PLA2G4F: variants seen among roughly 807,000 people sequenced by gnomAD.
The protein encoded by PLA2G4F is cytosolic phospholipase A2 zeta.
In PLA2G4F, 105 loss-of-function variants were observed where a neutral mutation model predicts 103.1. The ratio of observed to expected loss-of-function variants is 1.02; its 90% CI spans 0.87 to 1.20. The LOEUF (loss-of-function observed/expected upper bound fraction) is 1.20. Among genes scored for constraint, PLA2G4F ranks in the 50% most tolerant of loss-of-function variants. PLA2G4F has a pLI of 0.00. For missense variants in PLA2G4F, 1,155 were observed against 1,075.9 expected (o/e 1.07, Z -1.03); for synonymous variants, 468 against 441.1 (o/e 1.06, Z -0.76).
In PLA2G4F at chr15:42,152,672, C is replaced by T. The variant is rs1164539765; in HGVS notation, c.601+16G>A. On this transcript the variant is annotated intron_variant, in intron 7 of 19. Coordinates refer to ENST00000397272, the MANE Select transcript of PLA2G4F (RefSeq NM_213600.4). ...GGAGAGAAGGCAAAAGACCCAAGGCCGCTGAGCAGACTCACCGTACTCTTC... is the reference window on the plus strand; with the variant it reads ...GGAGAGAAGGCAAAAGACCCAAGGCTGCTGAGCAGACTCACCGTACTCTTC... 1.8e-5 allele frequency: 28 copies of T among 1,553,554 alleles called. No individual in the cohort carries two copies. Among genetic ancestry groups the T allele is most frequent in the African/African-American group, 2.7e-5 (2 of 73,202 alleles).
At position 42,141,433 on chromosome 15, in the gene PLA2G4F, G is replaced by C; in HGVS notation, c.*551C>G. The C allele has an allele frequency of 2.2e-6, 1 of 450,010 alleles. No homozygotes were observed. Among genetic ancestry groups the C allele is most frequent in the Admixed American group, 2.4e-5 (1 of 42,386 alleles). 27.9% of individuals were successfully genotyped at this position (450,010 alleles called of 1,614,324 possible). ...AGACCAGAAGGCAGAAGGAGGGTTA[G>C]GATGATGGAGTCAGCAACATAGGCT... is the stretch of plus-strand genomic sequence containing the variant. On this transcript the variant is annotated 3_prime_UTR_variant, in exon 20 of 20. Transcript: ENST00000397272.
rs1566875790 is a variant in PLA2G4F at position 42,139,506 on chromosome 15, C to G, written c.*2478G>C. On this transcript the variant is annotated 3_prime_UTR_variant, in exon 20 of 20. Coordinates refer to ENST00000397272, the MANE Select transcript of PLA2G4F (RefSeq NM_213600.4). ...GATGTCCCTGCTCCTGTGTTTCTACCCAGCTTCAAGGGAAACCATGCTTGC... is the reference window on the plus strand; with the variant it reads ...GATGTCCCTGCTCCTGTGTTTCTACGCAGCTTCAAGGGAAACCATGCTTGC... The G allele has an allele frequency of 6.6e-6, 1 of 152,128 alleles. No individual in the cohort carries two copies. Among genetic ancestry groups the G allele is most frequent in the Non-Finnish European group, 1.5e-5 (1 of 68,058 alleles). 9.4% of individuals were successfully genotyped at this position (152,128 alleles called of 1,614,324 possible).
At chr15:42,142,348 C>A in intron 19 of PLA2G4F, 144 bp from the exon 20 acceptor site, 1 of 1,155,012 alleles carries the variant, frequency 8.7e-7, no homozygotes, top group Non-Finnish European at 1.2e-6. Context: ...CTCAGACCCC[C>A]CAGGAGGGGC....
rs1266676741 is a variant in PLA2G4F, at chr15:42,140,583, C to G, written c.*1401G>C. ...ATGCCAGCCCAAATAACTGGCTCCC[C>G]CAGCCCTCGCAACTCATGCCAGCTG... is the stretch of plus-strand genomic sequence containing the variant. On this transcript the variant is annotated 3_prime_UTR_variant, in exon 20 of 20. Transcript: ENST00000397272. 1 of 152,420 alleles carries G rather than the reference C, an allele frequency of 6.6e-6. No homozygotes were observed. The highest frequency in any genetic ancestry group is 1.5e-5 in the Non-Finnish European group (1 of 68,226). 9.4% of individuals were successfully genotyped at this position (152,420 alleles called of 1,614,324 possible). A position where few individuals can be genotyped will look rare whatever the true frequency, so the allele number is the denominator to read the frequency against.
chr15:42,152,065 T>A (rs534227008), intron 7 of PLA2G4F, among the ~76,000 whole-genome samples: 2 of 152,308 alleles, frequency 1.3e-5, no homozygotes, highest in South Asian at 2.1e-4. Flanking sequence ...ACATCTGGAC[T>A]TCCCTGCCTG....
chr15:42,148,104 C>A (rs930072098), intron 11 of PLA2G4F, among the ~76,000 whole-genome samples: 3 of 151,770 alleles, frequency 2.0e-5, no homozygotes, highest in South Asian at 4.2e-4. Context: ...ATGGCGTGAA[C>A]CCAGGAGGCG....
rs2048824501 is a variant in PLA2G4F, at chr15:42,141,220, A to T, written c.*764T>A. 2 of 456,668 alleles carry T rather than the reference A, an allele frequency of 4.4e-6. No homozygotes were observed. Among genetic ancestry groups the T allele is most frequent in the Non-Finnish European group, 8.8e-6 (2 of 226,964 alleles). The allele number at this position is 456,668 out of a possible 1,614,324, so 28.3% of individuals were successfully genotyped here. ...CCATTTAGCTCCTAGGAATGGTGAG[A>T]CTATATTTGCATGATGTGGCCACTA... On this transcript the variant is annotated 3_prime_UTR_variant, in exon 20 of 20. Coordinates refer to ENST00000397272, the MANE Select transcript of PLA2G4F (RefSeq NM_213600.4).
At chr15:42,148,608 T>C (rs1595620914) in intron 11 of PLA2G4F, 2 of 984,060 alleles carry the variant, frequency 2.0e-6, no homozygotes, top group South Asian at 9.4e-5. Context: ...AGGAACTAAA[T>C]TGTCCCCCGT....
At position 42,144,201 on chromosome 15, in the gene PLA2G4F, C is replaced by T. The variant is rs776712427; in HGVS notation, c.1976-57G>A. On this transcript the variant is annotated intron_variant, in intron 17 of 19. Coordinates refer to ENST00000397272, the MANE Select transcript of PLA2G4F (RefSeq NM_213600.4). ...GAATGCAGTTACTCTTGCTAGCAAC[C>T]GCTTCTGTATTTGCATTCACGTTTG... 31 of 1,530,454 alleles carry T rather than the reference C, an allele frequency of 2.0e-5. No homozygotes were observed. In the South Asian group the frequency reaches 2.9e-4, roughly 14 times the overall value. The allele number at this position is 1,530,454 out of a possible 1,614,324, so 94.8% of individuals were successfully genotyped here. A position where few individuals can be genotyped will look rare whatever the true frequency, so the allele number is the denominator to read the frequency against.
At chr15:42,152,888 T>C (rs1025733914) in intron 6 of PLA2G4F, 134 bp from the exon 7 acceptor site, 1 of 833,872 alleles carries the variant, frequency 1.2e-6, no homozygotes, top group East Asian at 2.7e-5. Context: ...GAGGAGTTCC[T>C]GGGGCAGGGT....
chr15:42,153,805 T>C (rs1350627776), intron 4 of PLA2G4F, 145 bp from the exon 5 acceptor site: 1 of 900,638 alleles, frequency 1.1e-6, no homozygotes, highest in African/African-American at 1.7e-5. Context: ...GGGGCAGTGG[T>C]ATCTCCATGG....
At position 42,154,222 on chromosome 15, in the gene PLA2G4F, T is replaced by G; in HGVS notation, c.322-2A>C. On this transcript the variant is annotated splice_acceptor_variant, in intron 3 of 19. Transcript: ENST00000397272. LOFTEE classifies it high-confidence loss of function. ...ATAGAGGGTGAGCTCCAGGACGTTC[T>G]GGGGACAAGGCAGGCAGGAGGTCCG... The G allele has an allele frequency of 6.2e-7, 1 of 1,614,170 alleles. No individual in the cohort carries two copies. Among genetic ancestry groups the G allele is most frequent in the Non-Finnish European group, 8.5e-7 (1 of 1,180,016 alleles).
chr15:42,154,445 G>C lies in PLA2G4F; in HGVS notation c.198C>G (p.Asp66Glu), dbSNP rs778208864. The C allele has an allele frequency of 2.5e-6, 4 of 1,596,554 alleles. No homozygotes were observed. In the African/African-American group the frequency reaches 5.4e-5, roughly 21 times the overall value. The change falls in exon 3 of 20, where the codon GAC becomes GAG. Residue 66 changes from aspartate (D) to glutamate (E), a missense_variant. Around this residue, in one of 3 missense-constraint regions of PLA2G4F, gnomAD observed 370 missense variants for 364.9 expected, o/e 1.01. Coordinates refer to ENST00000397272, the MANE Select transcript of PLA2G4F (RefSeq NM_213600.4). ...TGGGCAGCCACAGTTGCACATAGCA[G>C]TCGGCTTTGGACACTGCAGGTAGGA... ...IRGTDLLSKA[D>E]CYVQLWLPTA...
chr15:42,148,346 G>A (rs563681467), intron 11 of PLA2G4F, among the ~76,000 whole-genome samples: 1 of 152,280 alleles, frequency 6.6e-6, no homozygotes, highest in South Asian at 2.1e-4. Flanking sequence ...GGAAGATATA[G>A]ACCTGGAAGG....
Position 42,146,171 on chromosome 15 carries a change from G to C in PLA2G4F, c.1490C>G (p.Thr497Ser), listed in dbSNP as rs2048882971. 14 of 1,614,120 alleles carry C rather than the reference G, an allele frequency of 8.7e-6. No individual in the cohort carries two copies. Among genetic ancestry groups the C allele is most frequent in the Non-Finnish European group, 1.1e-5 (13 of 1,180,050 alleles). Residue 497 changes from threonine to serine, a missense_variant, in exon 14 of 20, where the codon ACC (threonine) becomes AGC (serine). By Grantham distance (58) the Thr-to-Ser change is moderately conservative (BLOSUM62 1). This residue lies in a region of PLA2G4F where 782 missense variants were observed against 692.9 expected (regional missense o/e 1.13). Coordinates refer to ENST00000397272, the MANE Select transcript of PLA2G4F (RefSeq NM_213600.4). ...RQGQNPYPIYTSVNVRTNLSG... is the reference protein window; with the variant it reads ...RQGQNPYPIYSSVNVRTNLSG... The stretch of plus-strand genomic sequence containing the variant: ...CAAGTTGGTGCGGACGTTGACACTG[G>C]TGTAAATGGGGTAAGGGTTCTGACC...
chr15:42,149,886 G>C (rs761244416), intron 10 of PLA2G4F, 38 bp from the exon 11 acceptor site: 1 of 1,605,740 alleles, frequency 6.2e-7, no homozygotes, highest in East Asian at 2.2e-5. Context: ...GGGGGGTTCT[G>C]GGTGACTGTC....
At position 42,149,055 on chromosome 15, in the gene PLA2G4F, G is replaced by A. The variant is rs1037956165; in HGVS notation, c.1059+658C>T. 5 of 985,342 alleles carry A rather than the reference G, an allele frequency of 5.1e-6. No homozygotes were observed. The East Asian group carries it at 3.4e-4, about 67-fold the overall frequency. 61.0% of individuals were successfully genotyped at this position (985,342 alleles called of 1,614,324 possible). On this transcript the variant is annotated intron_variant, in intron 11 of 19. Transcript: ENST00000397272. ...CCCCTGTAAGTCCCTCTCTCAGCAC[G>A]CCTTTCCTCCTGCCTCCTGGCCACA...
At position 42,149,865 on chromosome 15, in the gene PLA2G4F, G is replaced by A. The variant is rs1428593356; in HGVS notation, c.924-17C>T. On this transcript the variant is annotated splice_polypyrimidine_tract_variant and intron_variant, in intron 10 of 19. Coordinates refer to ENST00000397272, the MANE Select transcript of PLA2G4F (RefSeq NM_213600.4). The stretch of plus-strand genomic sequence containing the variant: ...TCCCCGGAGCTGCCTCAAGTAGGGT[G>A]GGGTGGCGGTGGGGGGTTCTGGGTG... 3.1e-6 allele frequency: 5 copies of A among 1,613,416 alleles called. No homozygotes were observed. The highest frequency in any genetic ancestry group is 1.3e-5 in the African/African-American group (1 of 74,898).
chr15:42,154,450 CT>C lies in PLA2G4F; in HGVS notation c.192del (p.Ala65ProfsTer21). Reference sequence around the variant, plus strand: ...AGCCACAGTTGCACATAGCAGTCGGCTTTGGACACTGCAGGTAGGACAGGGA... The same window carrying C: ...AGCCACAGTTGCACATAGCAGTCGGCTTGGACACTGCAGGTAGGACAGGGA... ...TNIRGTDLLS[K>X]ADCYVQLWLP... On this transcript the variant is annotated frameshift_variant, in exon 3 of 20. Transcript: ENST00000397272. LOFTEE classifies it high-confidence loss of function. 7 of 1,587,020 alleles carry C rather than the reference CT, an allele frequency of 4.4e-6. No individual in the cohort carries two copies. The highest frequency in any genetic ancestry group is 6.0e-6 in the Non-Finnish European group (7 of 1,164,064).
Sources: gnomAD v4.1 joint callset for allele counts (sites outside exome capture counted in the v4.1 genomes callset) on GRCh38, gnomAD v4.1.1 for gene constraint, gnomAD v4.1.1 regional missense constraint, MANE v1.5 for transcripts, NCBI Gene and HGNC (gene_info 2026-07-23, HGNC 2026-07-21) for gene names.